Variants in NUP62 observed in about 807,000 individuals in gnomAD.
NUP62 encodes nucleoporin 62.
For synonymous variants in NUP62, 305 were observed against 303.4 expected, an observed-to-expected ratio of 1.01 and a Z score of -0.05; for missense variants, 647 against 689.4, an observed-to-expected ratio of 0.94 and a Z score of 0.69.
chr19:49,929,152 G>A (rs1402513473), intron 1 of NUP62, 174 bp downstream of exon 1: 1 of 152,022 alleles, frequency 6.6e-6, no homozygotes, highest in Non-Finnish European at 1.5e-5. Context: ...GATCCGGGAG[G>A]GCCGTGCTCC....
chr19:49,927,333 A>G (rs1175345722), intron 2 of NUP62, among the ~76,000 whole-genome samples: 1 of 152,164 alleles, frequency 6.6e-6, no homozygotes, highest in African/African-American at 2.4e-5. Context: ...TCCTGGGGCC[A>G]CATTGAAGAA....
chr19:49,920,843 G>C (rs2075749509), intron 2 of NUP62, among the ~76,000 whole-genome samples: 1 of 152,166 alleles, frequency 6.6e-6, no homozygotes, highest in Admixed American at 6.5e-5. Flanking sequence ...TGGCGGGGGA[G>C]GAACGGCGCA....
chr19:49,907,881 T>C lies in NUP62; in HGVS notation c.*358A>G, dbSNP rs930489890. 12 of 387,738 alleles carry C rather than the reference T, an allele frequency of 3.1e-5. No individual in the cohort carries two copies. Among genetic ancestry groups the C allele is most frequent in the Non-Finnish European group, 5.3e-5 (11 of 209,002 alleles). The allele number at this position is 387,738 out of a possible 1,614,324, so 24.0% of individuals were successfully genotyped here. On this transcript the variant is annotated 3_prime_UTR_variant, in exon 3 of 3. Coordinates refer to ENST00000352066, the MANE Select transcript of NUP62 (RefSeq NM_016553.5). ...GGTATTTTTTCATGACACCTATGAC[T>C]ATGCTTTGGAGAGAGTGGCTGCCCC...
At position 49,908,990 on chromosome 19, in the gene NUP62, G is replaced by A. The variant is rs139313756; in HGVS notation, c.818C>T (p.Thr273Ile). 3 of 1,610,902 alleles carry A rather than the reference G, an allele frequency of 1.9e-6. No individual in the cohort carries two copies. The African/African-American group carries it at 4.0e-5, about 22-fold the overall frequency. The part of the protein sequence containing the change: ...AASGTSTTTS[T>I]AATATATTTS... ...GGTGGTGGCGGTGGCGGTGGCAGCG[G>A]TGGATGTTGTTGTGGAGGTGCCGGA... Residue 273 changes from threonine to isoleucine, a missense_variant, in exon 3 of 3, where the codon ACC becomes ATC. Thr to Ile is a moderately conservative substitution (Grantham distance 89). Coordinates refer to ENST00000352066, the MANE Select transcript of NUP62 (RefSeq NM_016553.5).
rs1054689199 is a variant in NUP62, at chr19:49,921,533, G to A, written c.-78+6161C>T. On this transcript the variant is annotated intron_variant, in intron 2 of 2. Coordinates refer to ENST00000352066, the MANE Select transcript of NUP62 (RefSeq NM_016553.5). This position sits in a 1 kb window ranked among gnomAD's most constrained non-coding sequence, Gnocchi z 5.4. ...CTGAGACGCCTGCAGGGAAGAGAGG[G>A]GCGTCCGCTGCTCGCCAACCCCCAT... Among the ~76,000 whole-genome samples the A allele has an allele frequency of 6.6e-6, 1 of 152,176 alleles. No homozygotes were observed. Among genetic ancestry groups the A allele is most frequent in the African/African-American group, 2.4e-5 (1 of 41,432 alleles).
chr19:49,918,937 G>A (rs1402579664), intron 2 of NUP62, among the ~76,000 whole-genome samples: 3 of 150,334 alleles, frequency 2.0e-5, no homozygotes, highest in Non-Finnish European at 4.4e-5. Flanking sequence ...ATCACCTGAG[G>A]TCGGGAGTTT....
intron 2 of NUP62, among the ~76,000 whole-genome samples, chr19:49,927,355 C>T (rs1173290080): frequency 6.6e-6 from 1 of 151,968 alleles, no homozygotes; most frequent in Non-Finnish European, 1.5e-5. Flanking sequence ...TGTCTTAGGC[C>T]ACACATAACA....
At chr19:49,916,597 T>A (rs929863325) in intron 2 of NUP62, among the ~76,000 whole-genome samples, 27 of 151,730 alleles carry the variant, frequency 1.8e-4, no homozygotes, top group Non-Finnish European at 2.7e-4. Flanking sequence ...CCGTCTGCAC[T>A]AAAAATACAA....
intron 2 of NUP62, chr19:49,917,572 T>A (rs1052463473): frequency 6.6e-6 from 1 of 151,270 alleles, no homozygotes. Flanking sequence ...AGACCATGAG[T>A]GGGTCAGGGT....
intron 2 of NUP62, among the ~76,000 whole-genome samples, chr19:49,924,717 C>A (rs530077770): frequency 5.3e-5 from 8 of 152,318 alleles, no homozygotes; most frequent in African/African-American, 1.7e-4. Context: ...CAGGCAACCA[C>A]TGATGACCGG....
chr19:49,922,177 C>T (rs751670435), intron 2 of NUP62, among the ~76,000 whole-genome samples: 11 of 152,328 alleles, frequency 7.2e-5, no homozygotes, highest in South Asian at 2.1e-4. Flanking sequence ...CAAATAGATG[C>T]GAGTCATGGG....
chr19:49,914,947 C>A (rs1443998784), intron 2 of NUP62, among the ~76,000 whole-genome samples: 1 of 151,706 alleles, frequency 6.6e-6, no homozygotes, highest in African/African-American at 2.4e-5. Flanking sequence ...ACCATGTTAG[C>A]CGGGCTGGTC....
chr19:49,916,640 C>T lies in NUP62; in HGVS notation c.-77-6756G>A, dbSNP rs541398824. Among the ~76,000 whole-genome samples, 365 of 151,624 alleles carry T rather than the reference C, an allele frequency of 2.4e-3. 3 individuals carry two copies. The highest frequency in any genetic ancestry group is 8.6e-3 in the African/African-American group (354 of 41,354). ...TTAGCCAGGCGTGGTGGTGGGTGCC[C>T]GTAGTCCCAGCTACTCGGGAGGCTG... is the stretch of plus-strand genomic sequence containing the variant. On this transcript the variant is annotated intron_variant, in intron 2 of 2. Coordinates refer to ENST00000352066, the MANE Select transcript of NUP62 (RefSeq NM_016553.5).
intron 2 of NUP62, among the ~76,000 whole-genome samples, chr19:49,924,552 G>A (rs1157523556): frequency 1.3e-5 from 2 of 152,170 alleles, no homozygotes; most frequent in Non-Finnish European, 2.9e-5. Flanking sequence ...AGAGTCCCCA[G>A]TAGCCCCACC....
At chr19:49,914,643 AGGGT>A (rs1456435087) in intron 2 of NUP62, among the ~76,000 whole-genome samples, 1 of 147,528 alleles carries the variant, frequency 6.8e-6, no homozygotes, top group Admixed American at 6.8e-5. Flanking sequence ...TGTGAGAACC[AGGGT>A]TCTTTGCTGT....
intron 2 of NUP62, among the ~76,000 whole-genome samples, chr19:49,919,556 T>C (rs945691548): frequency 2.4e-4 from 37 of 152,160 alleles, no homozygotes; most frequent in African/African-American, 8.9e-4. Context: ...AGTAGCTAAA[T>C]GATTTGTGGA....
intron 2 of NUP62, among the ~76,000 whole-genome samples, chr19:49,923,635 C>T (rs1472654460): frequency 6.6e-6 from 1 of 152,252 alleles, no homozygotes; most frequent in Non-Finnish European, 1.5e-5. Flanking sequence ...GGAACTACTG[C>T]TCACAGGGCA....
rs1600503981 is a variant in NUP62, at chr19:49,909,846, A to G, written c.-39T>C. 1.2e-6 allele frequency: 2 copies of G among 1,602,974 alleles called. No individual in the cohort carries two copies. Among genetic ancestry groups the G allele is most frequent in the Admixed American group, 3.3e-5 (2 of 59,906 alleles). On this transcript the variant is annotated 5_prime_UTR_variant, in exon 3 of 3. Coordinates refer to ENST00000352066, the MANE Select transcript of NUP62 (RefSeq NM_016553.5). Reference sequence around the variant, plus strand: ...GGTGGCGGCAGCTACTCTGGCTCCCAAAGCAAATCCGTCGGTGTCTGCAGC... The same window carrying G: ...GGTGGCGGCAGCTACTCTGGCTCCCGAAGCAAATCCGTCGGTGTCTGCAGC...
intron 2 of NUP62, among the ~76,000 whole-genome samples, chr19:49,918,916 TG>T (rs1312547282): frequency 4.0e-5 from 1 of 25,194 alleles, no homozygotes; most frequent in Non-Finnish European, 8.3e-5. Context: ...GGGCGGGGTG[TG>T]GGGGGGCGGA....
Sources: allele counts gnomAD v4.1 joint callset (sites outside exome capture counted in the v4.1 genomes callset), GRCh38; gene constraint gnomAD v4.1.1; non-coding constraint Gnocchi (gnomAD v3.1); transcripts MANE v1.5; gene names NCBI Gene and HGNC (gene_info 2026-07-23, HGNC 2026-07-21).